Variants in ZC2HC1B observed in about 807,000 individuals in gnomAD.
ZC2HC1B encodes zinc finger C2HC domain-containing protein 1B.
ZC2HC1B carries 36 observed loss-of-function variants against 31.0 expected under a neutral mutation model. The observed-to-expected ratio is 1.16, with a 90% CI of 0.89 to 1.54. ZC2HC1B has a LOEUF of 1.54. Among genes scored for constraint, ZC2HC1B ranks in the 40% most tolerant of loss-of-function variants. The pLI, the probability that ZC2HC1B is intolerant of heterozygous loss-of-function variation, is 0.00. For synonymous variants in ZC2HC1B, 73 were observed against 88.0 expected, an observed-to-expected ratio of 0.83 and a Z score of 0.95; for missense variants, 260 against 268.6, an observed-to-expected ratio of 0.97 and a Z score of 0.22.
chr6:143,919,104 T>C (rs1777954681), intron 6 of ZC2HC1B, among the ~76,000 whole-genome samples: 2 of 152,140 alleles, frequency 1.3e-5, no homozygotes, highest in Admixed American at 1.3e-4. Context: ...TGCTATACTT[T>C]TCTTTTTCTT....
intron 6 of ZC2HC1B, among the ~76,000 whole-genome samples, chr6:143,930,381 C>CTTTTT (rs34308015): frequency 4.5e-5 from 5 of 111,758 alleles, no homozygotes; most frequent in East Asian, 3.0e-4. Context: ...TTGAGAGTTT[C>CTTTTT]TTTTTTTTTT....
intron 6 of ZC2HC1B, among the ~76,000 whole-genome samples, chr6:143,925,914 T>G (rs936955832): frequency 6.6e-6 from 1 of 152,232 alleles, no homozygotes. Context: ...AGCATATAGT[T>G]CTTTATAAGT....
At chr6:143,920,154 T>C (rs1777971301) in intron 6 of ZC2HC1B, among the ~76,000 whole-genome samples, 1 of 152,108 alleles carries the variant, frequency 6.6e-6, no homozygotes, top group East Asian at 1.9e-4. Context: ...AGATAATACA[T>C]ATGAGAATGC....
In ZC2HC1B at chr6:143,899,542, AT is replaced by A. The variant is rs1385630085; in HGVS notation, c.489+857del. On this transcript the variant is annotated intron_variant, in intron 5 of 7. Transcript: ENST00000237275. This position sits in a 1 kb window ranked among gnomAD's most constrained non-coding sequence, Gnocchi z 5.0. The stretch of plus-strand genomic sequence containing the variant: ...AGGTGCATAGCACCACGCCCAGCTA[AT>A]TTTTTGTATTTTTAGTAGAGATGGG... Among the ~76,000 whole-genome samples the A allele has an allele frequency of 1.3e-5, 2 of 152,048 alleles. No individual in the cohort carries two copies. The highest frequency in any genetic ancestry group is 2.9e-5 in the Non-Finnish European group (2 of 68,000).
chr6:143,884,399 T>A lies in ZC2HC1B; in HGVS notation c.90+34T>A. The stretch of plus-strand genomic sequence containing the variant: ...AAAGACATTTTGTAGATGTGTTTCA[T>A]TGGACTTAAATGAACTGTCAAGTCA... On this transcript the variant is annotated intron_variant, in intron 2 of 7. Transcript: ENST00000237275. This position sits in a 1 kb window ranked among gnomAD's most constrained non-coding sequence, Gnocchi z 5.1. The A allele has an allele frequency of 6.6e-7, 1 of 1,518,534 alleles. No homozygotes were observed. The highest frequency in any genetic ancestry group is 8.9e-7 in the Non-Finnish European group (1 of 1,121,874). The allele number at this position is 1,518,534 out of a possible 1,614,324, so 94.1% of individuals were successfully genotyped here. A position where few individuals can be genotyped will look rare whatever the true frequency, so the allele number is the denominator to read the frequency against.
Position 143,883,177 on chromosome 6 carries a change from C to A in ZC2HC1B, c.29-1127C>A, listed in dbSNP as rs758194831. On this transcript the variant is annotated intron_variant, in intron 1 of 7. Coordinates refer to ENST00000237275, the MANE Select transcript of ZC2HC1B (RefSeq NM_001013623.3). The surrounding 1 kb of genome is among the most constrained non-coding windows in gnomAD (Gnocchi z 4.1). ...ACCTCAGCCTCCTGAGTAGCTGGGA[C>A]CACAGGCGCGAGCCACCAAGCCCAA... is the stretch of plus-strand genomic sequence containing the variant. Among the ~76,000 whole-genome samples the A allele has an allele frequency of 1.3e-5, 2 of 152,120 alleles. No individual in the cohort carries two copies. The highest frequency in any genetic ancestry group is 2.9e-5 in the Non-Finnish European group (2 of 68,006).
rs1777529905 is a variant in ZC2HC1B at position 143,886,295 on chromosome 6, C to G, written c.210+144C>G. On this transcript the variant is annotated intron_variant, in intron 3 of 7. Transcript: ENST00000237275. This position sits in a 1 kb window ranked among gnomAD's most constrained non-coding sequence, Gnocchi z 4.2. ...CCACCTTTACTTTTTTCTTTATAAT[C>G]TTGCTCACTTAGATTTCCAGATATA... 11 of 999,348 alleles carry G rather than the reference C, an allele frequency of 1.1e-5. No individual in the cohort carries two copies. Among genetic ancestry groups the G allele is most frequent in the Non-Finnish European group, 1.3e-5 (10 of 761,756 alleles). 61.9% of individuals were successfully genotyped at this position (999,348 alleles called of 1,614,324 possible).
Position 143,905,539 on chromosome 6 carries a change from G to A in ZC2HC1B, c.598+2387G>A, listed in dbSNP as rs992065253. Among the ~76,000 whole-genome samples the A allele has an allele frequency of 2.0e-5, 3 of 152,232 alleles. No homozygotes were observed. The highest frequency in any genetic ancestry group is 1.9e-4 in the East Asian group (1 of 5,178). ...TTACTTCCTCCTTTCCAATTTGGATGCCTTTTAATTTTTTTCTTCCTAATT... is the reference window on the plus strand; with the variant it reads ...TTACTTCCTCCTTTCCAATTTGGATACCTTTTAATTTTTTTCTTCCTAATT... On this transcript the variant is annotated intron_variant, in intron 6 of 7. Transcript: ENST00000237275. This position sits in a 1 kb window ranked among gnomAD's most constrained non-coding sequence, Gnocchi z 4.2.
intron 6 of ZC2HC1B, among the ~76,000 whole-genome samples, chr6:143,904,695 A>G (rs761301624): frequency 1.3e-5 from 2 of 152,148 alleles, no homozygotes; most frequent in Non-Finnish European, 2.9e-5. Context: ...AGGGTCAGAG[A>G]GGTTTACTCC....
At chr6:143,931,983 G>T (rs1220273615) in intron 6 of ZC2HC1B, among the ~76,000 whole-genome samples, 13 of 151,152 alleles carry the variant, frequency 8.6e-5, no homozygotes, top group Admixed American at 7.3e-4. Context: ...TCCTGCTTCA[G>T]CCTCCCAAGT....
rs185600106 is a variant in ZC2HC1B at position 143,875,853 on chromosome 6, A to C, written c.29-8451A>C. ...TTTATCTCCTCAGACAAAGGTGGAA[A>C]GGCTGACAGCAGCACGGGTCGGAGA... On this transcript the variant is annotated intron_variant, in intron 1 of 7. Coordinates refer to ENST00000237275, the MANE Select transcript of ZC2HC1B (RefSeq NM_001013623.3). Among the ~76,000 whole-genome samples the C allele has an allele frequency of 1.4e-3, 214 of 150,748 alleles. 16 individuals are homozygous for C. Among genetic ancestry groups the C allele is most frequent in the African/African-American group, 4.8e-3 (198 of 40,902 alleles).
chr6:143,930,182 G>A (rs1778101730), intron 6 of ZC2HC1B, among the ~76,000 whole-genome samples: 1 of 151,822 alleles, frequency 6.6e-6, no homozygotes, highest in African/African-American at 2.4e-5. Flanking sequence ...ACATTATGAT[G>A]TTAATTCAGG....
chr6:143,937,119 C>T (rs1392640080), intron 6 of ZC2HC1B, among the ~76,000 whole-genome samples: 3 of 152,148 alleles, frequency 2.0e-5, no homozygotes, highest in African/African-American at 7.2e-5. Context: ...GTGTGGTGTG[C>T]CCATATCCAT....
chr6:143,873,953 C>T (rs1317264140), intron 1 of ZC2HC1B, among the ~76,000 whole-genome samples: 6 of 152,136 alleles, frequency 3.9e-5, no homozygotes, highest in Admixed American at 3.3e-4. Flanking sequence ...GCTTTAATTT[C>T]TTCTCAAAAA....
chr6:143,897,742 G>T (rs188947068), intron 4 of ZC2HC1B, among the ~76,000 whole-genome samples: 8 of 151,862 alleles, frequency 5.3e-5, no homozygotes, highest in African/African-American at 1.9e-4. Context: ...ATGTCTTTCT[G>T]CCAGTGACAC....
At chr6:143,880,239 A>G (rs1437052624) in intron 1 of ZC2HC1B, among the ~76,000 whole-genome samples, 1 of 152,222 alleles carries the variant, frequency 6.6e-6, no homozygotes, top group Non-Finnish European at 1.5e-5. Context: ...AATAATAGCC[A>G]CTATAATAGT....
At chr6:143,937,121 C>T (rs1034607504) in intron 6 of ZC2HC1B, among the ~76,000 whole-genome samples, 1 of 152,068 alleles carries the variant, frequency 6.6e-6, no homozygotes, top group Non-Finnish European at 1.5e-5. Flanking sequence ...GTGGTGTGCC[C>T]ATATCCATAA....
At chr6:143,926,953 G>GGCGCCCGTCACC (rs78536322) in intron 6 of ZC2HC1B, among the ~76,000 whole-genome samples, 1 of 107,190 alleles carries the variant, frequency 9.3e-6, no homozygotes, top group Non-Finnish European at 1.9e-5. Context: ...TGGGACTACA[G>GGCGCCCGTCACC]GCGCCCGGCT....
rs1424290730 is a variant in ZC2HC1B, at chr6:143,865,024, CATATATT to C, written c.28+465_28+471del. ...GTGCTAACTTCACTGTGTTTAAATC[CATATATT>C]ATATATTTTGCAATTAAGAGAAAAA... On this transcript the variant is annotated intron_variant, in intron 1 of 7. Transcript: ENST00000237275. The surrounding 1 kb of genome is among the most constrained non-coding windows in gnomAD (Gnocchi z 4.4). Among the ~76,000 whole-genome samples the C allele has an allele frequency of 6.6e-6, 1 of 152,066 alleles. No homozygotes were observed. Among genetic ancestry groups the C allele is most frequent in the African/African-American group, 2.4e-5 (1 of 41,394 alleles).
Sources: gnomAD v4.1 joint callset for allele counts (sites outside exome capture counted in the v4.1 genomes callset) on GRCh38, gnomAD v4.1.1 for gene constraint, Gnocchi (gnomAD v3.1) non-coding constraint, MANE v1.5 for transcripts, NCBI Gene and HGNC (gene_info 2026-07-23, HGNC 2026-07-21) for gene names.